Variants in MYO16 observed in about 807,000 individuals in gnomAD.
The protein encoded by MYO16 is myosin XVI.
A neutral mutation model predicts 205.3 loss-of-function variants in MYO16; 94 were observed. The ratio of observed to expected loss-of-function variants is 0.46; its 90% CI spans 0.39 to 0.54. The LOEUF is 0.54. Among genes scored for constraint, MYO16 ranks in the 20% least tolerant of loss-of-function variants. The pLI is 0.00. For synonymous variants in MYO16, 988 were observed against 954.0 expected (o/e 1.04, Z -0.66); for missense variants, 2,315 against 2,387.5 (o/e 0.97, Z 0.63).
intron 20 of MYO16, among the ~76,000 whole-genome samples, chr13:108,981,180 C>T (rs1034091751): frequency 2.0e-5 from 3 of 152,252 alleles, no homozygotes; most frequent in East Asian, 3.9e-4. Context: ...GGACATGCCC[C>T]GCAGGCGAGG....
chr13:109,148,588 G>A (rs1271158640), intron 32 of MYO16, among the ~76,000 whole-genome samples: 2 of 152,172 alleles, frequency 1.3e-5, no homozygotes, highest in African/African-American at 4.8e-5. Context: ...TAACCTGAGG[G>A]CCATAAACCA....
At chr13:109,026,450 C>T (rs972249484) in intron 23 of MYO16, among the ~76,000 whole-genome samples, 7 of 152,088 alleles carry the variant, frequency 4.6e-5, no homozygotes, top group African/African-American at 7.2e-5. Context: ...AGGATCCACC[C>T]GTTGAGCCTG....
chr13:108,930,274 G>T (rs1338093426), intron 16 of MYO16, among the ~76,000 whole-genome samples: 4 of 152,014 alleles, frequency 2.6e-5, no homozygotes, highest in Non-Finnish European at 5.9e-5. Context: ...AATGACATTG[G>T]CTGTCTTTAT....
intron 6 of MYO16, 99 bp downstream of exon 6, chr13:108,793,739 TGA>T: frequency 7.8e-7 from 1 of 1,288,142 alleles, no homozygotes; most frequent in Admixed American, 2.5e-5. Flanking sequence ...ATAATTGTTG[TGA>T]TCATAAAGTA....
chr13:108,728,503 G>A (rs974981127), intron 4 of MYO16, among the ~76,000 whole-genome samples: 11 of 152,302 alleles, frequency 7.2e-5, no homozygotes, highest in Admixed American at 1.3e-4. Flanking sequence ...AAGTCAAGGT[G>A]TGGACAGGGC....
rs112815062 is a variant in MYO16 at position 108,849,525 on chromosome 13, T to TTGTGTGTGTGTG, written c.1248+5048_1248+5059dup. ...TCTTTTTTTTTTTTAATTTCCTCCT[T>TTGTGTGTGTGTG]TGTGTGTGTGTGTGTGTGTGTGTGT... On this transcript the variant is annotated intron_variant, in intron 10 of 34. Transcript: ENST00000457511. Among the ~76,000 whole-genome samples the TTGTGTGTGTGTG allele has an allele frequency of 1.2e-3, 147 of 127,762 alleles. 4 individuals carry two copies. Among genetic ancestry groups the TTGTGTGTGTGTG allele is most frequent in the East Asian group, 3.4e-3 (15 of 4,424 alleles). The allele number at this position is 127,762 out of a possible 152,430, so 83.8% of individuals were successfully genotyped here. A position where few individuals can be genotyped will look rare whatever the true frequency, so the allele number is the denominator to read the frequency against.
intron 5 of MYO16, among the ~76,000 whole-genome samples, chr13:108,789,322 T>C (rs897756425): frequency 1.3e-5 from 2 of 152,230 alleles, no homozygotes; most frequent in African/African-American, 2.4e-5. Context: ...ATGCTGTCAC[T>C]GCCTTAATTA....
chr13:108,930,346 C>G (rs1364343871), intron 16 of MYO16, among the ~76,000 whole-genome samples: 1 of 152,102 alleles, frequency 6.6e-6, no homozygotes, highest in South Asian at 2.1e-4. Context: ...TCCAGCATAT[C>G]TATGACACCA....
intron 4 of MYO16, among the ~76,000 whole-genome samples, chr13:108,729,688 T>G: frequency 6.6e-6 from 1 of 152,222 alleles, no homozygotes; most frequent in South Asian, 2.1e-4. Flanking sequence ...AAATCCTGCT[T>G]CCATTTCCTC....
intron 10 of MYO16, among the ~76,000 whole-genome samples, chr13:108,850,123 T>C (rs1877774034): frequency 6.6e-6 from 1 of 151,572 alleles, no homozygotes; most frequent in South Asian, 2.1e-4. Context: ...AATTTCCTCT[T>C]TTTGTGTGTG....
chr13:108,667,948 G>C (rs1881814300), intron 2 of MYO16, among the ~76,000 whole-genome samples: 1 of 152,122 alleles, frequency 6.6e-6, no homozygotes, highest in Non-Finnish European at 1.5e-5. Flanking sequence ...GTTGAGGTGA[G>C]AGGATTGTTT....
chr13:108,718,520 G>A (rs527546682), intron 3 of MYO16, among the ~76,000 whole-genome samples: 1 of 151,914 alleles, frequency 6.6e-6, no homozygotes, highest in African/African-American at 2.4e-5. Flanking sequence ...GGGGCCCCAT[G>A]GAGGATGCAG....
At position 109,194,172 on chromosome 13, in the gene MYO16, G is replaced by A. The variant is rs143110050; in HGVS notation, c.5416-12437G>A. Reference sequence around the variant, plus strand: ...TACCCAATTTGAATGAAAGCCCCTCGATGGAGGTGGTCAGATTGTGTGCAT... The same window carrying A: ...TACCCAATTTGAATGAAAGCCCCTCAATGGAGGTGGTCAGATTGTGTGCAT... On this transcript the variant is annotated intron_variant, in intron 34 of 34. Coordinates refer to ENST00000457511, the MANE Select transcript of MYO16 (RefSeq NM_001198950.3). Among the ~76,000 whole-genome samples the A allele has an allele frequency of 2.0e-3, 310 of 152,200 alleles. 1 individual carries two copies. The highest frequency in any genetic ancestry group is 7.1e-3 in the African/African-American group (296 of 41,532).
intron 16 of MYO16, among the ~76,000 whole-genome samples, chr13:108,914,829 G>C (rs148897915): frequency 0.033 from 4,964 of 152,096 alleles, 279 homozygotes; most frequent in African/African-American, 0.11. Context: ...TTTTAGTAGG[G>C]ACGGGGTTTC....
the MYO16 span, among the ~76,000 whole-genome samples, chr13:108,569,845 T>C: frequency 7.9e-5 from 12 of 152,204 alleles, no homozygotes; most frequent in Non-Finnish European, 1.3e-4. Context: ...GTTTTTAACA[T>C]GCGCTATTAT....
chr13:108,572,059 A>T, the MYO16 span, among the ~76,000 whole-genome samples: 1 of 151,702 alleles, frequency 6.6e-6, no homozygotes, highest in Non-Finnish European at 1.5e-5. Context: ...AGCTGGGACT[A>T]CAGGTGCATG....
At chr13:108,973,734 C>T (rs1347589497) in intron 20 of MYO16, among the ~76,000 whole-genome samples, 1 of 152,058 alleles carries the variant, frequency 6.6e-6, no homozygotes, top group Non-Finnish European at 1.5e-5. Context: ...TACATTCATC[C>T]CTAGCATCTG....
intron 10 of MYO16, among the ~76,000 whole-genome samples, chr13:108,847,277 C>T (rs942790201): frequency 6.6e-6 from 1 of 152,136 alleles, no homozygotes; most frequent in Non-Finnish European, 1.5e-5. Flanking sequence ...GTAATTGTAA[C>T]CATGCTCTAT....
At chr13:108,581,089 C>T in the MYO16 span, among the ~76,000 whole-genome samples, 1 of 152,108 alleles carries the variant, frequency 6.6e-6, no homozygotes, top group Non-Finnish European at 1.5e-5. Context: ...TGAATACACG[C>T]TGCCACCTGT....
Sources: allele counts gnomAD v4.1 joint callset (sites outside exome capture counted in the v4.1 genomes callset), GRCh38; gene constraint gnomAD v4.1.1; transcripts MANE v1.5; gene names NCBI Gene and HGNC (gene_info 2026-07-23, HGNC 2026-07-21).